NUBPL: variants seen among roughly 807,000 people sequenced by gnomAD.
NUBPL encodes the protein NUBP iron-sulfur cluster assembly factor, mitochondrial.
Under a neutral mutation model 45.7 loss-of-function variants are expected in NUBPL, and 31 were observed. The observed-to-expected ratio is 0.68, with a 90% CI of 0.51 to 0.92. NUBPL has a LOEUF of 0.92. NUBPL is among the 40% of genes least tolerant of loss of function. The probability of loss-of-function intolerance (pLI) is 0.00; values close to 1 mark genes in which losing one functional copy is unlikely to be tolerated. For synonymous variants in NUBPL, 144 were observed against 140.9 expected (o/e 1.02, Z -0.15); for missense variants, 401 against 398.7 (o/e 1.01, Z -0.05).
At chr14:31,847,594 A>G (rs1014787583) in intron 9 of NUBPL, among the ~76,000 whole-genome samples, 10 of 152,322 alleles carry the variant, frequency 6.6e-5, no homozygotes, top group African/African-American at 2.2e-4. Flanking sequence ...TTGATATTCT[A>G]ATTGTGAATG....
At chr14:31,563,777 T>C (rs893466002) in intron 2 of NUBPL, among the ~76,000 whole-genome samples, 1 of 152,236 alleles carries the variant, frequency 6.6e-6, no homozygotes, top group African/African-American at 2.4e-5. Flanking sequence ...TGAATTGCCC[T>C]CTGAAAGTTT....
At chr14:31,822,484 G>A (rs1484129406) in intron 7 of NUBPL, among the ~76,000 whole-genome samples, 4 of 151,930 alleles carry the variant, frequency 2.6e-5, no homozygotes, top group East Asian at 3.8e-4. Flanking sequence ...TATGATATAC[G>A]AAACTTATAT....
chr14:31,858,699 C>T (rs570599705), intron 10 of NUBPL, among the ~76,000 whole-genome samples: 3 of 152,226 alleles, frequency 2.0e-5, no homozygotes, highest in East Asian at 3.9e-4. Context: ...CTAAGATAAA[C>T]TGTAGCATGG....
chr14:31,819,787 A>G (rs1375814171), intron 7 of NUBPL, among the ~76,000 whole-genome samples: 5 of 152,218 alleles, frequency 3.3e-5, no homozygotes, highest in Non-Finnish European at 7.3e-5. Context: ...TAAGTTGTGA[A>G]TTAGCATTTA....
chr14:31,787,477 C>T (rs1198756934), intron 6 of NUBPL, among the ~76,000 whole-genome samples: 1 of 152,084 alleles, frequency 6.6e-6, no homozygotes, highest in Non-Finnish European at 1.5e-5. Context: ...GGGCTACACC[C>T]AGTAAAAATA....
chr14:31,859,614 C>A lies in NUBPL; in HGVS notation c.*434C>A, dbSNP rs1258466031. The A allele has an allele frequency of 3.8e-6, 1 of 264,306 alleles. No homozygotes were observed. Among genetic ancestry groups the A allele is most frequent in the Non-Finnish European group, 7.4e-6 (1 of 135,594 alleles). 16.4% of individuals were successfully genotyped at this position (264,306 alleles called of 1,614,324 possible). On this transcript the variant is annotated 3_prime_UTR_variant, in exon 11 of 11. Coordinates refer to ENST00000281081, the MANE Select transcript of NUBPL (RefSeq NM_025152.3). ...CTGTCTTTGAATCCTGTCTTTGGTA[C>A]TGTCTTGGACATGTTCTTAATATGA... is the stretch of plus-strand genomic sequence containing the variant.
At chr14:31,759,679 A>G (rs2038755011) in intron 6 of NUBPL, among the ~76,000 whole-genome samples, 1 of 151,008 alleles carries the variant, frequency 6.6e-6, no homozygotes, top group African/African-American at 2.4e-5. Context: ...TCTAGTAGAA[A>G]CTGTACTTTG....
At chr14:31,812,882 G>A (rs1211529552) in intron 7 of NUBPL, among the ~76,000 whole-genome samples, 1 of 152,066 alleles carries the variant, frequency 6.6e-6, no homozygotes, top group Non-Finnish European at 1.5e-5. Context: ...CGACAGAGCT[G>A]TCTGATTCTG....
Position 31,746,800 on chromosome 14 carries a change from T to G in NUBPL, c.514-40980T>G, listed in dbSNP as rs183726119. ...TTTAAGAGTTTGAGGCCGAGCATGGTGGCTAACACCTGTAATCCTAGCACT... is the reference window on the plus strand; with the variant it reads ...TTTAAGAGTTTGAGGCCGAGCATGGGGGCTAACACCTGTAATCCTAGCACT... On this transcript the variant is annotated intron_variant, in intron 6 of 10. Coordinates refer to ENST00000281081, the MANE Select transcript of NUBPL (RefSeq NM_025152.3). 2.1e-3 allele frequency among the ~76,000 whole-genome samples: 314 copies of G among 152,010 alleles called. 7 individuals carry two copies. The highest frequency in any genetic ancestry group is 7.0e-3 in the African/African-American group (290 of 41,326).
chr14:31,647,109 T>C (rs2035876439), intron 4 of NUBPL, among the ~76,000 whole-genome samples: 1 of 152,198 alleles, frequency 6.6e-6, no homozygotes, highest in African/African-American at 2.4e-5. Context: ...CTGACTTGTT[T>C]TTCTGTGTTA....
intron 6 of NUBPL, among the ~76,000 whole-genome samples, chr14:31,690,021 A>G (rs577494280): frequency 8.2e-4 from 124 of 150,754 alleles, no homozygotes; most frequent in Non-Finnish European, 1.6e-3. Context: ...TCATTGGTCT[A>G]TGTGTCTATT....
At chr14:31,733,308 T>G (rs1350201962) in intron 6 of NUBPL, among the ~76,000 whole-genome samples, 2 of 152,200 alleles carry the variant, frequency 1.3e-5, no homozygotes, top group East Asian at 3.8e-4. Flanking sequence ...TGGATTTGTT[T>G]GTAAAGATTA....
intron 6 of NUBPL, among the ~76,000 whole-genome samples, chr14:31,746,304 A>G (rs1023488519): frequency 5.3e-5 from 8 of 151,998 alleles, no homozygotes; most frequent in Non-Finnish European, 1.2e-4. Context: ...TTCCTCATTC[A>G]GTAAGATGTT....
chr14:31,823,863 G>A (rs187940082), intron 7 of NUBPL, among the ~76,000 whole-genome samples: 2 of 152,218 alleles, frequency 1.3e-5, no homozygotes, highest in East Asian at 3.9e-4. Context: ...TTCTGGAAAT[G>A]TATTGGAGGT....
chr14:31,826,415 C>A (rs905394820), intron 7 of NUBPL, among the ~76,000 whole-genome samples: 2 of 152,138 alleles, frequency 1.3e-5, no homozygotes, highest in African/African-American at 4.8e-5. Flanking sequence ...GCCACCGTGC[C>A]CGGCCCAGTT....
At chr14:31,854,818 A>G (rs2040591856) in intron 10 of NUBPL, among the ~76,000 whole-genome samples, 2 of 152,210 alleles carry the variant, frequency 1.3e-5, no homozygotes, top group Admixed American at 6.5e-5. Flanking sequence ...ATTTCCCAAC[A>G]CAATGCCTTG....
At chr14:31,582,627 A>AT (rs1045952202) in intron 3 of NUBPL, among the ~76,000 whole-genome samples, 245 of 150,878 alleles carry the variant, frequency 1.6e-3, no homozygotes, top group Non-Finnish European at 2.0e-3. Context: ...AGTATTACTT[A>AT]TTTTTTTTTC....
chr14:31,654,034 A>G (rs2036079389), intron 4 of NUBPL: 1 of 445,824 alleles, frequency 2.2e-6, no homozygotes. Context: ...TTGCTACTAT[A>G]GCACTAACAC....
At chr14:31,650,981 A>C (rs994798479) in intron 4 of NUBPL, among the ~76,000 whole-genome samples, 1 of 152,214 alleles carries the variant, frequency 6.6e-6, no homozygotes, top group Non-Finnish European at 1.5e-5. Flanking sequence ...ACTCATTACC[A>C]TGAGGATAGC....
Sources: allele counts gnomAD v4.1 joint callset (sites outside exome capture counted in the v4.1 genomes callset), GRCh38; gene constraint gnomAD v4.1.1; transcripts MANE v1.5; gene names NCBI Gene and HGNC (gene_info 2026-07-23, HGNC 2026-07-21).